PPP1R14C: variants seen among roughly 807,000 people sequenced by gnomAD.
PPP1R14C encodes the protein protein phosphatase 1 regulatory inhibitor subunit 14C, also known as protein phosphatase 1 regulatory subunit 14C.
PPP1R14C carries 16 observed loss-of-function variants against 20.4 expected under a neutral mutation model. The observed-to-expected ratio is 0.78, with a 90% CI of 0.53 to 1.19. PPP1R14C has a LOEUF of 1.19. Among genes scored for constraint, PPP1R14C ranks in the 50% most tolerant of loss-of-function variants. PPP1R14C has a pLI of 0.00. For synonymous variants in PPP1R14C, 91 were observed against 91.0 expected (o/e 1.00, Z 0.00); for missense variants, 211 against 220.1 (o/e 0.96, Z 0.26).
intron 3 of PPP1R14C, among the ~76,000 whole-genome samples, chr6:150,243,286 C>G (rs1778453905): frequency 6.6e-6 from 1 of 151,774 alleles, no homozygotes. Flanking sequence ...AGCAATTCTC[C>G]TGCCTCAGCC....
chr6:150,202,859 T>C (rs1777895546), intron 1 of PPP1R14C, among the ~76,000 whole-genome samples: 1 of 152,212 alleles, frequency 6.6e-6, no homozygotes, highest in African/African-American at 2.4e-5. Context: ...TTTAATTTAA[T>C]CACTTAATTT....
intron 1 of PPP1R14C, among the ~76,000 whole-genome samples, chr6:150,190,745 A>G (rs1051919318): frequency 6.6e-5 from 10 of 152,050 alleles, no homozygotes; most frequent in Non-Finnish European, 1.5e-5. Context: ...TCTGTAGTCA[A>G]TTTGTCAGCA....
chr6:150,174,495 C>T (rs369962221), intron 1 of PPP1R14C, among the ~76,000 whole-genome samples: 20 of 151,530 alleles, frequency 1.3e-4, no homozygotes, highest in African/African-American at 2.4e-4. Context: ...GGATTACAGG[C>T]GTGAGCCACC....
chr6:150,236,125 C>A (rs149596330), intron 3 of PPP1R14C, among the ~76,000 whole-genome samples: 279 of 152,278 alleles, frequency 1.8e-3, no homozygotes, highest in African/African-American at 6.4e-3. Flanking sequence ...TATTAACCTA[C>A]GGTTTGAATC....
intron 1 of PPP1R14C, among the ~76,000 whole-genome samples, chr6:150,145,453 A>T (rs1039318545): frequency 5.3e-5 from 8 of 152,198 alleles, no homozygotes; most frequent in African/African-American, 1.7e-4. Flanking sequence ...AGGCTGAAGG[A>T]AGAGAAATAA....
At chr6:150,165,404 C>T (rs956103940) in intron 1 of PPP1R14C, among the ~76,000 whole-genome samples, 3 of 152,222 alleles carry the variant, frequency 2.0e-5, no homozygotes, top group Non-Finnish European at 4.4e-5. Context: ...CATTTCTTCT[C>T]TAGGCCCAAA....
In PPP1R14C at chr6:150,249,972, A is replaced by G. The variant is rs549456081; in HGVS notation, c.*1152A>G. ...GAGGACTCTGGGTGCTCCTGGCCCT[A>G]ATTGTGCACCCTGATCCCCGTGCTT... On this transcript the variant is annotated 3_prime_UTR_variant, in exon 4 of 4. Coordinates refer to ENST00000361131, the MANE Select transcript of PPP1R14C (RefSeq NM_030949.3). 155 of 155,646 alleles carry G rather than the reference A, an allele frequency of 1.0e-3. No individual in the cohort carries two copies. The highest frequency in any genetic ancestry group is 1.7e-3 in the Non-Finnish European group (118 of 70,366). 9.6% of individuals were successfully genotyped at this position (155,646 alleles called of 1,614,324 possible). A position where few individuals can be genotyped will look rare whatever the true frequency, so the allele number is the denominator to read the frequency against.
At chr6:150,241,624 C>T (rs1476317065) in intron 3 of PPP1R14C, among the ~76,000 whole-genome samples, 7 of 152,100 alleles carry the variant, frequency 4.6e-5, no homozygotes, top group Non-Finnish European at 7.4e-5. Flanking sequence ...CAGTGGCTCA[C>T]GCTTGTAATC....
intron 1 of PPP1R14C, among the ~76,000 whole-genome samples, chr6:150,192,846 T>TCTGTTTCCA (rs1456455618): frequency 1.3e-5 from 2 of 152,156 alleles, no homozygotes; most frequent in African/African-American, 4.8e-5. Flanking sequence ...TCTTGCCCTC[T>TCTGTTTCCA]CTGTTTCCAC....
intron 1 of PPP1R14C, among the ~76,000 whole-genome samples, chr6:150,203,951 T>C (rs1001324244): frequency 6.6e-6 from 1 of 152,234 alleles, no homozygotes; most frequent in African/African-American, 2.4e-5. Context: ...CTTCCTTTAT[T>C]CTTTCCCAGT....
At chr6:150,203,495 CT>C (rs1206002881) in intron 1 of PPP1R14C, among the ~76,000 whole-genome samples, 1 of 152,198 alleles carries the variant, frequency 6.6e-6, no homozygotes, top group African/African-American at 2.4e-5. Flanking sequence ...TTCCAAGCGG[CT>C]TTTCCGTATC....
chr6:150,168,503 A>G (rs536644816), intron 1 of PPP1R14C, among the ~76,000 whole-genome samples: 1 of 150,542 alleles, frequency 6.6e-6, no homozygotes, highest in Non-Finnish European at 1.5e-5. Context: ...ACTACACTCC[A>G]GCCTGGGCGA....
rs1389258819 is a variant in PPP1R14C at position 150,181,368 on chromosome 6, A to C, written c.307-33376A>C. 2.0e-5 allele frequency among the ~76,000 whole-genome samples: 3 copies of C among 152,046 alleles called. No individual in the cohort carries two copies. In the East Asian group the frequency reaches 5.8e-4, roughly 29 times the overall value. ...CTTTCTGTAGAGGTTATTATTATTCAAGGGTGTTTTTCAGGAAGCTGGTGG... is the reference window on the plus strand; with the variant it reads ...CTTTCTGTAGAGGTTATTATTATTCCAGGGTGTTTTTCAGGAAGCTGGTGG... On this transcript the variant is annotated intron_variant, in intron 1 of 3. Transcript: ENST00000361131.
At chr6:150,200,171 G>GATATAT (rs145406314) in intron 1 of PPP1R14C, among the ~76,000 whole-genome samples, 8 of 148,030 alleles carry the variant, frequency 5.4e-5, no homozygotes, top group African/African-American at 1.5e-4. Flanking sequence ...GCTTTTATAG[G>GATATAT]ATATATATAT....
At chr6:150,205,322 T>G (rs1362228708) in intron 1 of PPP1R14C, among the ~76,000 whole-genome samples, 1 of 152,098 alleles carries the variant, frequency 6.6e-6, no homozygotes, top group Non-Finnish European at 1.5e-5. Context: ...GGTACTTCTC[T>G]TACCACCTGG....
intron 1 of PPP1R14C, among the ~76,000 whole-genome samples, chr6:150,170,558 G>A (rs144225234): frequency 0.028 from 4,292 of 152,102 alleles, 124 homozygotes; most frequent in East Asian, 0.098. Flanking sequence ...TCCTGACCTC[G>A]TGATCCGCCC....
At chr6:150,157,448 C>T (rs1026285211) in intron 1 of PPP1R14C, among the ~76,000 whole-genome samples, 3 of 151,212 alleles carry the variant, frequency 2.0e-5, no homozygotes, top group Non-Finnish European at 4.4e-5. Context: ...TTCAGAGATG[C>T]CTACTGGTTA....
In PPP1R14C at chr6:150,143,152, C is replaced by T. The variant is rs1777134096; in HGVS notation, c.-41C>T. On this transcript the variant is annotated 5_prime_UTR_variant, in exon 1 of 4. Transcript: ENST00000361131. The surrounding 1 kb of genome is among the most constrained non-coding windows in gnomAD (Gnocchi z 5.6). ...AGCGGCGCCGGGCGCGCTCCGCCCG[C>T]CCCTCCTCCGGGCCGCACTGAGGCT... The T allele has an allele frequency of 8.2e-7, 1 of 1,213,856 alleles. No individual in the cohort carries two copies. The highest frequency in any genetic ancestry group is 1.6e-5 in the African/African-American group (1 of 62,910). The allele number at this position is 1,213,856 out of a possible 1,614,324, so 75.2% of individuals were successfully genotyped here.
intron 1 of PPP1R14C, among the ~76,000 whole-genome samples, chr6:150,163,736 A>T (rs1777396181): frequency 6.6e-6 from 1 of 152,182 alleles, no homozygotes; most frequent in Non-Finnish European, 1.5e-5. Context: ...ATAGTACTCC[A>T]TGTGTGAATA....
Sources: allele counts gnomAD v4.1 joint callset (sites outside exome capture counted in the v4.1 genomes callset), GRCh38; gene constraint gnomAD v4.1.1; non-coding constraint Gnocchi (gnomAD v3.1); transcripts MANE v1.5; gene names NCBI Gene and HGNC (gene_info 2026-07-23, HGNC 2026-07-21).